FAM178B: variants seen among roughly 807,000 people sequenced by gnomAD.
FAM178B encodes the protein protein FAM178B.
Under a neutral mutation model 91.7 loss-of-function variants are expected in FAM178B, and 82 were observed. The observed-to-expected ratio is 0.89, with a 90% confidence interval of 0.75 to 1.07. FAM178B has a LOEUF of 1.07. Ranked by LOEUF, FAM178B falls within the 50% of genes least tolerant of loss-of-function variation. The pLI, the probability that FAM178B is intolerant of heterozygous loss-of-function variation, is 0.00. For missense variants in FAM178B, 769 were observed against 846.7 expected (o/e 0.91, Z 1.14); for synonymous variants, 368 against 359.4 (o/e 1.02, Z -0.27).
chr2:96,968,792 A>G (rs2153375566), intron 4 of FAM178B, among the ~76,000 whole-genome samples: 1 of 152,118 alleles, frequency 6.6e-6, no homozygotes, highest in East Asian at 1.9e-4. Flanking sequence ...AAGAGAAAAC[A>G]TATCTCTGCC....
intron 6 of FAM178B, 92 bp downstream of exon 6, chr2:96,960,195 TC>T (rs2082059392): frequency 1.4e-6 from 2 of 1,409,938 alleles, no homozygotes; most frequent in East Asian, 2.6e-5. Context: ...TCTTCGAACT[TC>T]CCCCTTTGGG....
Position 96,951,463 on chromosome 2 carries a change from G to A in FAM178B, c.909C>T (p.Leu303=). The part of the protein sequence containing the change: ...LFLSSPPAQQ[L]SFLRSGLLNI... ...TCAGGAGGCCACTGCGCAGGAAGGA[G>A]AGCTGTTGGGCTGGCGGGGAGCTGG... Residue 303 remains leucine, a synonymous_variant, in exon 7 of 17, where the codon CTC becomes CTT. Coordinates refer to ENST00000490605, the MANE Select transcript of FAM178B (RefSeq NM_001122646.3). The A allele has an allele frequency of 5.8e-6, 9 of 1,551,648 alleles. No homozygotes were observed. The highest frequency in any genetic ancestry group is 7.8e-6 in the Non-Finnish European group (9 of 1,146,926).
chr2:96,981,907 A>G (rs1188678613), intron 1 of FAM178B, among the ~76,000 whole-genome samples: 2 of 151,906 alleles, frequency 1.3e-5, no homozygotes, highest in African/African-American at 4.8e-5. Context: ...TCTCTACAAA[A>G]AAACGCAAAA....
chr2:96,929,343 A>G, intron 8 of FAM178B, 23 bp from the exon 9 acceptor site: 1 of 1,517,232 alleles, frequency 6.6e-7, no homozygotes, highest in Non-Finnish European at 9.0e-7. Flanking sequence ...AAGGGAGCAG[A>G]GAGTTAGAAT....
At chr2:96,908,303 G>A (rs537609654) in intron 12 of FAM178B, among the ~76,000 whole-genome samples, 11 of 152,322 alleles carry the variant, frequency 7.2e-5, no homozygotes, top group African/African-American at 1.2e-4. Flanking sequence ...ATATAACCAC[G>A]CACATTGACG....
At chr2:96,947,295 C>T (rs2081846190) in intron 8 of FAM178B, among the ~76,000 whole-genome samples, 1 of 152,190 alleles carries the variant, frequency 6.6e-6, no homozygotes, top group Non-Finnish European at 1.5e-5. Context: ...AACCAAGGCA[C>T]CAGCTTGAGG....
Position 96,930,683 on chromosome 2 carries a change from G to A in FAM178B, c.1079-1363C>T, listed in dbSNP as rs533991890. On this transcript the variant is annotated intron_variant, in intron 8 of 16. Coordinates refer to ENST00000490605, the MANE Select transcript of FAM178B (RefSeq NM_001122646.3). ...AACAAATCTGACCAAGTACTACACA[G>A]CTAAGAGGGTGCTATGTTCTGAGTG... Among the ~76,000 whole-genome samples the A allele has an allele frequency of 3.3e-5, 5 of 152,330 alleles. No homozygotes were observed. The East Asian group carries it at 9.6e-4, about 29-fold the overall frequency.
intron 1 of FAM178B, 76 bp from the exon 2 acceptor site, chr2:96,972,682 G>T: frequency 6.4e-6 from 9 of 1,401,394 alleles, no homozygotes; most frequent in Non-Finnish European, 7.8e-6. Context: ...GATTCCCACA[G>T]AGGAGGGCCT....
At chr2:96,971,767 G>C (rs555689784) in intron 3 of FAM178B, 134 bp downstream of exon 3, 2 of 838,566 alleles carry the variant, frequency 2.4e-6, no homozygotes, top group Non-Finnish European at 3.4e-6. Context: ...GGCTGAGCAG[G>C]GATGGTCAAG....
intron 8 of FAM178B, among the ~76,000 whole-genome samples, chr2:96,942,986 C>A (rs1161201419): frequency 6.6e-6 from 1 of 152,064 alleles, no homozygotes; most frequent in Non-Finnish European, 1.5e-5. Flanking sequence ...AAACCACATA[C>A]AAAAATGAAC....
intron 5 of FAM178B, among the ~76,000 whole-genome samples, chr2:96,962,357 A>T (rs772288754): frequency 3.3e-5 from 5 of 150,606 alleles, no homozygotes; most frequent in Non-Finnish European, 7.4e-5. Flanking sequence ...TGAACCTGGG[A>T]GGTAGAGGTT....
chr2:96,905,835 TATATATATATATATATATATA>T (rs1559064034), intron 12 of FAM178B, among the ~76,000 whole-genome samples: 5 of 22,510 alleles, frequency 2.2e-4, no homozygotes, highest in African/African-American at 8.4e-4. Context: ...TATATATATA[TATATATATATATATATATATA>T]TATATTTTTT....
chr2:96,903,220 T>G (rs942096855), intron 12 of FAM178B, among the ~76,000 whole-genome samples: 1 of 152,168 alleles, frequency 6.6e-6, no homozygotes, highest in East Asian at 1.9e-4. Flanking sequence ...TTTGTATTTT[T>G]AGTAGAGACA....
intron 1 of FAM178B, 104 bp downstream of exon 1, chr2:96,986,137 G>C (rs1329036833): frequency 1.3e-6 from 2 of 1,512,180 alleles, no homozygotes; most frequent in Non-Finnish European, 8.8e-7. Flanking sequence ...GCCGCACCGG[G>C]GCTGACCTGC....
intron 4 of FAM178B, among the ~76,000 whole-genome samples, 168 bp from the exon 5 acceptor site, chr2:96,967,795 G>A (rs1051120228): frequency 6.6e-6 from 1 of 152,088 alleles, no homozygotes; most frequent in East Asian, 1.9e-4. Context: ...CAATGGGGAC[G>A]GGTTGCATTA....
intron 8 of FAM178B, among the ~76,000 whole-genome samples, chr2:96,937,765 T>A (rs1403481452): frequency 2.6e-5 from 4 of 152,066 alleles, no homozygotes; most frequent in Non-Finnish European, 5.9e-5. Context: ...GGGGCTCACA[T>A]CTATAATCCC....
intron 12 of FAM178B, among the ~76,000 whole-genome samples, chr2:96,906,381 T>G (rs2081056292): frequency 6.6e-6 from 1 of 152,066 alleles, no homozygotes; most frequent in Admixed American, 6.6e-5. Context: ...ATAATTTTTC[T>G]GGCATAAGTT....
intron 9 of FAM178B, among the ~76,000 whole-genome samples, chr2:96,925,332 T>C (rs1228220810): frequency 6.6e-6 from 1 of 152,142 alleles, no homozygotes; most frequent in African/African-American, 2.4e-5. Context: ...CTGTCCTCCT[T>C]GGAAAGAAAT....
chr2:96,952,041 T>C (rs1160119569), intron 6 of FAM178B: 3 of 154,264 alleles, frequency 1.9e-5, no homozygotes, highest in African/African-American at 7.2e-5. Context: ...AAAAACATGG[T>C]GGGGCAGTGC....
Sources: gnomAD v4.1 joint callset for allele counts (sites outside exome capture counted in the v4.1 genomes callset) on GRCh38, gnomAD v4.1.1 for gene constraint, MANE v1.5 for transcripts, NCBI Gene and HGNC (gene_info 2026-07-23, HGNC 2026-07-21) for gene names.